ATXN7L2: variants seen among roughly 807,000 people sequenced by gnomAD.
ATXN7L2 encodes ataxin 7 like 2, also known as ataxin-7-like protein 2.
A neutral mutation model predicts 59.6 loss-of-function variants in ATXN7L2; 17 were observed. The ratio of observed to expected loss-of-function variants is 0.29; its 90% CI spans 0.20 to 0.43. The LOEUF (loss-of-function observed/expected upper bound fraction) is 0.43. Ranked by LOEUF, ATXN7L2 falls within the 20% of genes least tolerant of loss-of-function variation. The probability of loss-of-function intolerance (pLI) is 1.00; values close to 1 mark genes in which losing one functional copy is unlikely to be tolerated. For missense variants in ATXN7L2, 858 were observed against 1,008.9 expected, an observed-to-expected ratio of 0.85 and a Z score of 2.03; for synonymous variants, 378 against 392.5, an observed-to-expected ratio of 0.96 and a Z score of 0.44.
rs1006834272 is a variant in ATXN7L2, at chr1:109,488,504, C to T, written c.879+39C>T. 1.9e-6 allele frequency: 3 copies of T among 1,559,010 alleles called. No homozygotes were observed. Among genetic ancestry groups the T allele is most frequent in the South Asian group, 2.3e-5 (2 of 87,486 alleles). On this transcript the variant is annotated intron_variant, in intron 6 of 10. Transcript: ENST00000683729. This position sits in a 1 kb window ranked among gnomAD's most constrained non-coding sequence, Gnocchi z 5.0. Reference sequence around the variant, plus strand: ...CACTGCACGGTGAGGGAGGACAGCACAGGGCTTGCCCACTCCTTCCCTGGG... The same window carrying T: ...CACTGCACGGTGAGGGAGGACAGCATAGGGCTTGCCCACTCCTTCCCTGGG...
Position 109,483,988 on chromosome 1 carries a change from C to A in ATXN7L2, c.35C>A (p.Ala12Asp). 7.1e-7 allele frequency: 1 copy of A among 1,405,736 alleles called. No individual in the cohort carries two copies. Among genetic ancestry groups the A allele is most frequent in the Non-Finnish European group, 9.4e-7 (1 of 1,068,184 alleles). 87.1% of individuals were successfully genotyped at this position (1,405,736 alleles called of 1,614,324 possible). ...CGTGAACGCGCGGCGGCAGCAATGG[C>A]CGCTCTGGAGCGGCGGGTGCCGAGT... ...AVRERAAAAM[A>D]ALERRVPSLD... is the part of the protein sequence containing the mutation. Residue 12 changes from alanine to aspartate, a missense_variant, in exon 1 of 11, where the codon GCC becomes GAC. Ala to Asp is a moderately radical substitution (Grantham distance 126, BLOSUM62 -2). Coordinates refer to ENST00000683729, the MANE Select transcript of ATXN7L2 (RefSeq NM_001350175.2).
At position 109,491,601 on chromosome 1, in the gene ATXN7L2, C is replaced by T. The variant is rs144463666; in HGVS notation, c.2134C>T (p.Arg712Trp). 2.8e-5 allele frequency: 45 copies of T among 1,613,706 alleles called. No individual in the cohort carries two copies. The highest frequency in any genetic ancestry group is 1.7e-4 in the Middle Eastern group (1 of 6,026). Residue 712 changes from arginine (R) to tryptophan (W), a missense_variant, in exon 10 of 11, where the codon CGG becomes TGG. Arg to Trp is a moderately radical substitution (Grantham distance 101). Transcript: ENST00000683729. The surrounding 1 kb of genome is among the most constrained non-coding windows in gnomAD (Gnocchi z 4.1). The stretch of plus-strand genomic sequence containing the variant: ...GCGGAAAAACCTGGCCACTTATTGC[C>T]GGCCAGTGAAGGCCAAGCACTGTCA... ...KKRKNLATYCRPVKAKHCQAG... is the reference protein window; with the variant it reads ...KKRKNLATYCWPVKAKHCQAG...
At position 109,488,134 on chromosome 1, in the gene ATXN7L2, A is replaced by C. The variant is rs1190010138; in HGVS notation, c.797-249A>C. On this transcript the variant is annotated intron_variant, in intron 5 of 10. Transcript: ENST00000683729. The surrounding 1 kb of genome is among the most constrained non-coding windows in gnomAD (Gnocchi z 5.0). ...TGCCCATGGCTGCTTTTGTTTCTTG[A>C]TGTGTGTTGCCCTGCTTTGGGCTTG... Among the ~76,000 whole-genome samples the C allele has an allele frequency of 6.6e-6, 1 of 152,120 alleles. No homozygotes were observed. The highest frequency in any genetic ancestry group is 2.4e-5 in the African/African-American group (1 of 41,404).
intron 4 of ATXN7L2, 125 bp downstream of exon 4, chr1:109,487,342 C>A: frequency 1.7e-6 from 2 of 1,179,484 alleles, no homozygotes; most frequent in Non-Finnish European, 2.3e-6. Flanking sequence ...GTCCTGTCTG[C>A]AGCTTCCTTC....
In ATXN7L2 at chr1:109,487,049, C is replaced by G. The variant is rs749908193; in HGVS notation, c.341C>G (p.Pro114Arg). ...CTCAGCAAGCTTTATGGCCGGGCCC[C>G]ACCCCCACCTCCAGCCCCTGCCAGC... ...GPLSKLYGRA[P>R]PPPPAPASSQ... The change falls in exon 4 of 11, where the codon CCA becomes CGA. Residue 114 changes from proline to arginine, a missense_variant. Transcript: ENST00000683729. 4 of 1,610,474 alleles carry G rather than the reference C, an allele frequency of 2.5e-6. No homozygotes were observed. The East Asian group carries it at 8.9e-5, about 36-fold the overall frequency.
In ATXN7L2 at chr1:109,486,344, C is replaced by A; in HGVS notation, c.194-162C>A. On this transcript the variant is annotated intron_variant, in intron 2 of 10. Transcript: ENST00000683729. The surrounding 1 kb of genome is among the most constrained non-coding windows in gnomAD (Gnocchi z 4.3). ...ACCTGAAAGCGTATACCCTTTGGGACTGCTTAGATCGAACTCTGGAAGCTG... is the reference window on the plus strand; with the variant it reads ...ACCTGAAAGCGTATACCCTTTGGGAATGCTTAGATCGAACTCTGGAAGCTG... 1.1e-6 allele frequency: 1 copy of A among 929,986 alleles called. No individual in the cohort carries two copies. Among genetic ancestry groups the A allele is most frequent in the Non-Finnish European group, 1.6e-6 (1 of 631,326 alleles). The allele number at this position is 929,986 out of a possible 1,614,324, so 57.6% of individuals were successfully genotyped here.
rs1015152466 is a variant in ATXN7L2, at chr1:109,485,408, CTT to C, written c.128-647_128-646del. 6 of 985,314 alleles carry C rather than the reference CTT, an allele frequency of 6.1e-6. No individual in the cohort carries two copies. The Admixed American group carries it at 3.1e-4, about 50-fold the overall frequency. 61.0% of individuals were successfully genotyped at this position (985,314 alleles called of 1,614,324 possible). On this transcript the variant is annotated intron_variant, in intron 1 of 10. Coordinates refer to ENST00000683729, the MANE Select transcript of ATXN7L2 (RefSeq NM_001350175.2). ...GGACTTGCATAGCTGACCAAGGAGA[CTT>C]TGAAGATGCTCAAGGACCAAAGACA... is the stretch of plus-strand genomic sequence containing the variant.
chr1:109,488,937 G>T lies in ATXN7L2; in HGVS notation c.970G>T (p.Gly324Trp). Residue 324 changes from glycine (G) to tryptophan (W), a missense_variant, in exon 7 of 11, where the codon GGG becomes TGG. This residue lies in a region of ATXN7L2 where 734 missense variants were observed against 862.3 expected (regional missense o/e 0.85). Coordinates refer to ENST00000683729, the MANE Select transcript of ATXN7L2 (RefSeq NM_001350175.2). The surrounding 1 kb of genome is among the most constrained non-coding windows in gnomAD (Gnocchi z 5.0). The part of the protein sequence containing the change: ...VAELKANSRK[G>W]ESPKEKSPGR... ...AGAGCTGAAGGCCAACTCCCGCAAA[G>T]GGGAGTCTCCCAAGGAGAAGAGCCC... is the stretch of plus-strand genomic sequence containing the variant. 1 of 1,614,134 alleles carries T rather than the reference G, an allele frequency of 6.2e-7. No individual in the cohort carries two copies. The highest frequency in any genetic ancestry group is 8.5e-7 in the Non-Finnish European group (1 of 1,180,022).
rs139613714 is a variant in ATXN7L2 at position 109,491,447 on chromosome 1, C to T, written c.1980C>T (p.Asp660=). 374 of 1,614,090 alleles carry T rather than the reference C, an allele frequency of 2.3e-4. No individual in the cohort carries two copies. The African/African-American group carries it at 4.7e-3, about 20-fold the overall frequency. ...GAGTGAAGCGGGCAGGGCCCCTGGA[C>T]TGTCGTGGCTCCCCTCATCAGCTCC... ...GPRVKRAGPL[D]CRGSPHQLPT... Residue 660 remains aspartate, a synonymous_variant, in exon 10 of 11, where the codon GAC becomes GAT. Coordinates refer to ENST00000683729, the MANE Select transcript of ATXN7L2 (RefSeq NM_001350175.2). The surrounding 1 kb of genome is among the most constrained non-coding windows in gnomAD (Gnocchi z 4.1).
At position 109,483,917 on chromosome 1, in the gene ATXN7L2, G is replaced by C; in HGVS notation, c.-37G>C. On this transcript the variant is annotated 5_prime_UTR_variant, in exon 1 of 11. Transcript: ENST00000683729. ...GGGGCGAGGGGGAGGGGGCCGCGCG[G>C]CGGCGGCGCCAGGGCGGGCGCGCGT... 1 of 1,169,688 alleles carries C rather than the reference G, an allele frequency of 8.5e-7. No homozygotes were observed. The highest frequency in any genetic ancestry group is 1.1e-6 in the Non-Finnish European group (1 of 947,132). 72.5% of individuals were successfully genotyped at this position (1,169,688 alleles called of 1,614,324 possible).
At chr1:109,487,380 C>T in intron 4 of ATXN7L2, 138 bp from the exon 5 acceptor site, 1 of 1,167,260 alleles carries the variant, frequency 8.6e-7, no homozygotes, top group Non-Finnish European at 1.2e-6. Flanking sequence ...ATGGGGTCTC[C>T]TCTTCCCGTG....
Position 109,487,152 on chromosome 1 carries a change from G to A in ATXN7L2, c.444G>A (p.Glu148=), listed in dbSNP as rs1656645712. 2 of 1,606,384 alleles carry A rather than the reference G, an allele frequency of 1.2e-6. No individual in the cohort carries two copies. The highest frequency in any genetic ancestry group is 3.4e-5 in the Admixed American group (2 of 58,896). The part of the protein sequence containing the change: ...APGSTKTSSR[E]KGQGSRSRGH... ...GTTCCACGAAAACCTCCTCCAGGGA[G>A]AAGGGCCAGGGGTCCCGGAGCCGTG... Residue 148 remains glutamate (E), a synonymous_variant, in exon 4 of 11, where the codon GAG becomes GAA. Transcript: ENST00000683729.
chr1:109,491,583 A>G lies in ATXN7L2; in HGVS notation c.2116A>G (p.Asn706Asp), dbSNP rs764626609. 20 of 1,613,800 alleles carry G rather than the reference A, an allele frequency of 1.2e-5. No homozygotes were observed. Among genetic ancestry groups the G allele is most frequent in the Non-Finnish European group, 7.6e-6 (9 of 1,180,024 alleles). ...GGAGGAGGTGGCCAAGAAGCGGAAAAACCTGGCCACTTATTGCCGGCCAGT... is the reference window on the plus strand; with the variant it reads ...GGAGGAGGTGGCCAAGAAGCGGAAAGACCTGGCCACTTATTGCCGGCCAGT... ...SEEEVAKKRKNLATYCRPVKA... is the reference protein window; with the variant it reads ...SEEEVAKKRKDLATYCRPVKA... Residue 706 changes from asparagine (N) to aspartate (D), a missense_variant, in exon 10 of 11, where the codon AAC (asparagine) becomes GAC (aspartate). Asn to Asp is a conservative substitution (Grantham distance 23). Around this residue, in one of 3 missense-constraint regions of ATXN7L2, gnomAD observed 734 missense variants for 862.3 expected, o/e 0.85. Transcript: ENST00000683729. This position sits in a 1 kb window ranked among gnomAD's most constrained non-coding sequence, Gnocchi z 4.1.
In ATXN7L2 at chr1:109,492,728, AC is replaced by A; in HGVS notation, c.*130del. ...TTTAAGAAAAAAAGCTCTTTAAAATACCTCAAGACTGTCTCCCTGTTCTGTT... is the reference window on the plus strand; with the variant it reads ...TTTAAGAAAAAAAGCTCTTTAAAATACTCAAGACTGTCTCCCTGTTCTGTT... On this transcript the variant is annotated 3_prime_UTR_variant, in exon 11 of 11. Coordinates refer to ENST00000683729, the MANE Select transcript of ATXN7L2 (RefSeq NM_001350175.2). 1 of 1,075,952 alleles carries A rather than the reference AC, an allele frequency of 9.3e-7. No individual in the cohort carries two copies. Among genetic ancestry groups the A allele is most frequent in the South Asian group, 1.6e-5 (1 of 64,158 alleles). The allele number at this position is 1,075,952 out of a possible 1,614,324, so 66.7% of individuals were successfully genotyped here.
intron 1 of ATXN7L2, chr1:109,485,145 G>T: frequency 1.8e-6 from 1 of 545,900 alleles, no homozygotes; most frequent in Non-Finnish European, 2.3e-6. Context: ...CAAAGATGGG[G>T]CCATTGTCAG....
chr1:109,487,833 A>G, intron 5 of ATXN7L2, 29 bp downstream of exon 5: 1 of 1,563,262 alleles, frequency 6.4e-7, no homozygotes, highest in Non-Finnish European at 8.6e-7. Context: ...GGGGGTCCAG[A>G]ATGTAGAGTG....
chr1:109,490,043 A>T lies in ATXN7L2; in HGVS notation c.1247A>T (p.Glu416Val). 1 of 1,611,746 alleles carries T rather than the reference A, an allele frequency of 6.2e-7. No individual in the cohort carries two copies. Among genetic ancestry groups the T allele is most frequent in the Non-Finnish European group, 8.5e-7 (1 of 1,178,956 alleles). ...MPRGGTQASS[E>V]ESEEEGTSDD... The stretch of plus-strand genomic sequence containing the variant: ...CGGGGTGGGACCCAGGCCTCCAGCG[A>T]AGAGAGTGAGGAGGAGGGGACATCT... The change falls in exon 8 of 11, where the codon GAA becomes GTA. Residue 416 changes from glutamate (E) to valine (V), a missense_variant. Transcript: ENST00000683729.
chr1:109,489,571 A>G, intron 7 of ATXN7L2: 2 of 362,112 alleles, frequency 5.5e-6, no homozygotes, highest in Non-Finnish European at 1.0e-5. Flanking sequence ...ACAGGCTCAC[A>G]GGAATATGTG....
In ATXN7L2 at chr1:109,488,269, T is replaced by G; in HGVS notation, c.797-114T>G. 1.0e-6 allele frequency: 1 copy of G among 970,498 alleles called. No homozygotes were observed. The highest frequency in any genetic ancestry group is 1.6e-6 in the Non-Finnish European group (1 of 623,594). 60.1% of individuals were successfully genotyped at this position (970,498 alleles called of 1,614,324 possible). ...GAAGGTACAGCCCCAGGCTGAGGGCTGGAGTCTCTTCTGCCTTAGTACCAG... is the reference window on the plus strand; with the variant it reads ...GAAGGTACAGCCCCAGGCTGAGGGCGGGAGTCTCTTCTGCCTTAGTACCAG... On this transcript the variant is annotated intron_variant, in intron 5 of 10. Coordinates refer to ENST00000683729, the MANE Select transcript of ATXN7L2 (RefSeq NM_001350175.2). The surrounding 1 kb of genome is among the most constrained non-coding windows in gnomAD (Gnocchi z 5.0).
Sources: allele counts gnomAD v4.1 joint callset (sites outside exome capture counted in the v4.1 genomes callset), GRCh38; gene constraint gnomAD v4.1.1; regional missense constraint gnomAD v4.1.1; non-coding constraint Gnocchi (gnomAD v3.1); transcripts MANE v1.5; gene names NCBI Gene and HGNC (gene_info 2026-07-23, HGNC 2026-07-21).